The following TPRN variants were observed in gnomAD, a reference collection of about 807,000 sequenced individuals.
TPRN encodes the protein chromosome 9 open reading frame 75.
Under a neutral mutation model 42.6 loss-of-function variants are expected in TPRN, and 32 were observed. The observed-to-expected ratio is 0.75, with a 90% CI of 0.57 to 1.01. The LOEUF (loss-of-function observed/expected upper bound fraction) is 1.01. TPRN is among the 50% of genes least tolerant of loss of function. The pLI is 0.00. For missense variants in TPRN, 1,095 were observed against 957.5 expected, an observed-to-expected ratio of 1.14 and a Z score of -1.90; for synonymous variants, 541 against 445.6, an observed-to-expected ratio of 1.21 and a Z score of -2.70.
chr9:137,193,388 C>G (rs28627431), intron 1 of TPRN: 1 of 152,780 alleles, frequency 6.5e-6, no homozygotes, highest in African/African-American at 2.4e-5. Context: ...CCAGCAGTGA[C>G]CCCTTCCTCA....
rs1170564164 is a variant in TPRN at position 137,200,211 on chromosome 9, GGGCGGCGCGGGCGGCGGCGGC to G, written c.480_500del (p.Pro161_Pro167del). 1 of 949,486 alleles carries G rather than the reference GGGCGGCGCGGGCGGCGGCGGC, an allele frequency of 1.1e-6. No homozygotes were observed. The allele number at this position is 949,486 out of a possible 1,614,324, so 58.8% of individuals were successfully genotyped here. A position where few individuals can be genotyped will look rare whatever the true frequency, so the allele number is the denominator to read the frequency against. On this transcript the variant is annotated inframe_deletion, in exon 1 of 4. Coordinates refer to ENST00000409012, the MANE Select transcript of TPRN (RefSeq NM_001128228.3). The surrounding 1 kb of genome is among the most constrained non-coding windows in gnomAD (Gnocchi z 4.3). ...GGCTGGGGGCCGCGGGCGGGGGCCG[GGGCGGCGCGGGCGGCGGCGGC>G]GGCGGCGGGGGGCGGGCGCGCTCGG...
At chr9:137,198,747 G>A (rs897356958) in intron 1 of TPRN, among the ~76,000 whole-genome samples, 10 of 152,236 alleles carry the variant, frequency 6.6e-5, no homozygotes, top group Admixed American at 3.3e-4. Flanking sequence ...CTGCCCTGTC[G>A]CTCTCCAGCA....
chr9:137,199,568 C>G lies in TPRN; in HGVS notation c.1144G>C (p.Gly382Arg). 1 of 1,556,480 alleles carries G rather than the reference C, an allele frequency of 6.4e-7. No individual in the cohort carries two copies. Among genetic ancestry groups the G allele is most frequent in the Non-Finnish European group, 8.7e-7 (1 of 1,150,600 alleles). The change falls in exon 1 of 4, where the codon GGG becomes CGG. Residue 382 changes from glycine to arginine, a missense_variant. Gly to Arg is a moderately radical substitution (Grantham distance 125). Coordinates refer to ENST00000409012, the MANE Select transcript of TPRN (RefSeq NM_001128228.3). ...VPGGDGAPAL[G>R]KSPLEVEAQW... ...GCCTCGACCTCCAGGGGGCTCTTCC[C>G]GAGGGCAGGCGCACCATCCCCTCCA... is the stretch of plus-strand genomic sequence containing the variant.
chr9:137,193,788 GGAGCCGGGCCCCAGGCAGA>G (rs1005240140), intron 1 of TPRN: 64 of 152,672 alleles, frequency 4.2e-4, no homozygotes, highest in African/African-American at 1.5e-3. Flanking sequence ...CCCGGAGGCA[GGAGCCGGGCCCCAGGCAGA>G]GAACCACCGC....
chr9:137,192,338 G>A lies in TPRN; in HGVS notation c.1994C>T (p.Ser665Phe). 6.2e-7 allele frequency: 1 copy of A among 1,613,064 alleles called. No individual in the cohort carries two copies. The highest frequency in any genetic ancestry group is 8.5e-7 in the Non-Finnish European group (1 of 1,180,032). Residue 665 changes from serine to phenylalanine, a missense_variant, in exon 3 of 4, where the codon TCT (serine) becomes TTT (phenylalanine). Coordinates refer to ENST00000409012, the MANE Select transcript of TPRN (RefSeq NM_001128228.3). ...CTCCTGCCACTTGCTGAAGGCCACAGAGTGCTTCGGGGTGTAGCTGGACAG... is the reference window on the plus strand; with the variant it reads ...CTCCTGCCACTTGCTGAAGGCCACAAAGTGCTTCGGGGTGTAGCTGGACAG... ...SGLSSYTPKH[S>F]VAFSKWQEQA... is the part of the protein sequence containing the mutation.
chr9:137,192,714 C>T (rs763453113), intron 1 of TPRN, 23 bp from the exon 2 acceptor site: 42 of 1,612,324 alleles, frequency 2.6e-5, no homozygotes, highest in Admixed American at 6.7e-5. Flanking sequence ...GTCACGTGAA[C>T]GAGGGCTGAG....
chr9:137,192,209 C>T (rs1834630273), intron 3 of TPRN, 35 bp from the exon 4 acceptor site: 2 of 1,613,262 alleles, frequency 1.2e-6, no homozygotes, highest in Non-Finnish European at 8.5e-7. Flanking sequence ...GACACATGGG[C>T]TCGCCCGGGT....
rs779894755 is a variant in TPRN, at chr9:137,199,781, G to C, written c.931C>G (p.Pro311Ala). 1.9e-6 allele frequency: 3 copies of C among 1,609,514 alleles called. No homozygotes were observed. Among genetic ancestry groups the C allele is most frequent in the Non-Finnish European group, 2.5e-6 (3 of 1,178,600 alleles). The change falls in exon 1 of 4, where the codon CCC (proline) becomes GCC (alanine). Residue 311 changes from proline to alanine, a missense_variant. By Grantham distance (27) the Pro-to-Ala change is conservative. Transcript: ENST00000409012. ...GCCCGGGCCTGGAGGTCCCCCAAGG[G>C]GATGGTCTCCATAACTGGCTTGGGG... ...PAPKPVMETI[P>A]LGDLQARALA...
At position 137,199,238 on chromosome 9, in the gene TPRN, C is replaced by G; in HGVS notation, c.1474G>C (p.Glu492Gln). The G allele has an allele frequency of 6.2e-7, 1 of 1,612,998 alleles. No homozygotes were observed. The highest frequency in any genetic ancestry group is 8.5e-7 in the Non-Finnish European group (1 of 1,180,010). Residue 492 changes from glutamate (E) to glutamine (Q), a missense_variant, in exon 1 of 4, where the codon GAG becomes CAG. Transcript: ENST00000409012. ...GTGTTGCTGCCCCGGGGCTGAAGCT[C>G]TGCCACGCACCCGGGCCTGGCAGGG... Reference protein sequence around the residue: ...LHPARPGCVAELQPRGSNTFT... With the variant: ...LHPARPGCVAQLQPRGSNTFT...
intron 1 of TPRN, 78 bp from the exon 2 acceptor site, chr9:137,192,769 C>A: frequency 6.6e-7 from 1 of 1,517,678 alleles, no homozygotes; most frequent in South Asian, 1.1e-5. Context: ...GTTCAGCCCT[C>A]AGGATGAGGC....
At position 137,199,079 on chromosome 9, in the gene TPRN, G is replaced by A. The variant is rs139569284; in HGVS notation, c.1633C>T (p.Arg545Cys). The stretch of plus-strand genomic sequence containing the variant: ...TCGATCTCATGCACGGTGGGGTAGC[G>A]CTTCTTCAACGTGGGCCCCAGGAGG... The part of the protein sequence containing the change: ...SCLLGPTLKK[R>C]YPTVHEIEVI... Residue 545 changes from arginine to cysteine, a missense_variant, in exon 1 of 4, where the codon CGC becomes TGC. Coordinates refer to ENST00000409012, the MANE Select transcript of TPRN (RefSeq NM_001128228.3). 7.3e-5 allele frequency: 118 copies of A among 1,613,254 alleles called. 1 individual carries two copies. The African/African-American group carries it at 1.3e-3, about 18-fold the overall frequency.
At chr9:137,192,819 G>T (rs531853303) in intron 1 of TPRN, 128 bp from the exon 2 acceptor site, 1 of 1,002,152 alleles carries the variant, frequency 1.0e-6, no homozygotes. Context: ...CAACCGTTCC[G>T]GGGGCTCCAG....
intron 1 of TPRN, among the ~76,000 whole-genome samples, chr9:137,195,645 C>T (rs748952950): frequency 6.6e-6 from 1 of 152,136 alleles, no homozygotes; most frequent in Non-Finnish European, 1.5e-5. Flanking sequence ...TGAGGGCGGA[C>T]GGCCCTGGGT....
chr9:137,197,531 T>C (rs1023561309), intron 1 of TPRN, among the ~76,000 whole-genome samples: 5 of 152,228 alleles, frequency 3.3e-5, no homozygotes, highest in Middle Eastern at 3.4e-3. Flanking sequence ...AAACCTGAAC[T>C]CCGTACTCGC....
chr9:137,192,032 G>T lies in TPRN; in HGVS notation c.*80C>A. 1.3e-6 allele frequency: 2 copies of T among 1,534,730 alleles called. No homozygotes were observed. Among genetic ancestry groups the T allele is most frequent in the Non-Finnish European group, 1.8e-6 (2 of 1,123,352 alleles). On this transcript the variant is annotated 3_prime_UTR_variant, in exon 4 of 4. Coordinates refer to ENST00000409012, the MANE Select transcript of TPRN (RefSeq NM_001128228.3). ...CAGTGAGGCCAAACAAGGCAGAAGC[G>T]GGTGCAGTAGTCCCTGGCTACTGCC...
Position 137,199,979 on chromosome 9 carries a change from A to C in TPRN, c.733T>G (p.Ser245Ala). Residue 245 changes from serine (S) to alanine (A), a missense_variant, in exon 1 of 4, where the codon TCG (serine) becomes GCG (alanine). Coordinates refer to ENST00000409012, the MANE Select transcript of TPRN (RefSeq NM_001128228.3). The stretch of plus-strand genomic sequence containing the variant: ...TCCACCTTTGGCTTCCACTGTCCCG[A>C]CCCAGGCGGGGAGCCCGCGAGGCGG... ...ANRLAGSPPG[S>A]GQWKPKVESG... is the part of the protein sequence containing the mutation. The C allele has an allele frequency of 6.9e-7, 1 of 1,449,120 alleles. No homozygotes were observed. Among genetic ancestry groups the C allele is most frequent in the Non-Finnish European group, 9.1e-7 (1 of 1,104,206 alleles). The allele number at this position is 1,449,120 out of a possible 1,614,324, so 89.8% of individuals were successfully genotyped here.
rs373771135 is a variant in TPRN, at chr9:137,192,503, C to G, written c.1914G>C (p.Thr638=). 7.5e-6 allele frequency: 12 copies of G among 1,605,980 alleles called. No individual in the cohort carries two copies. Among genetic ancestry groups the G allele is most frequent in the East Asian group, 2.2e-5 (1 of 44,462 alleles). ...TCTCGGGTCTCACGCTGCTCACAAA[C>G]GTGGCCCGGGGCAGGAAGAGTGCAA... The part of the protein sequence containing the change: ...KPFALFLPRA[T]FVSSVRPESS... Residue 638 remains threonine (T), a synonymous_variant, in exon 2 of 4, where the codon ACG becomes ACC. Coordinates refer to ENST00000409012, the MANE Select transcript of TPRN (RefSeq NM_001128228.3).
rs146437238 is a variant in TPRN, at chr9:137,199,453, G to C, written c.1259C>G (p.Pro420Arg). 3 of 1,607,060 alleles carry C rather than the reference G, an allele frequency of 1.9e-6. No homozygotes were observed. The highest frequency in any genetic ancestry group is 2.7e-5 in the African/African-American group (2 of 74,946). Residue 420 changes from proline (P) to arginine (R), a missense_variant, in exon 1 of 4, where the codon CCC becomes CGC. Transcript: ENST00000409012. ...AIRWQRPSSP[P>R]PFLPAASEEA... ...TTCCGAAGCAGCCGGCAGGAAGGGG[G>C]GCGGTGAGGACGGCCTCTGCCACCT...
chr9:137,199,496 G>A lies in TPRN; in HGVS notation c.1216C>T (p.Leu406Phe), dbSNP rs1342024475. The A allele has an allele frequency of 6.3e-7, 1 of 1,585,248 alleles. No individual in the cohort carries two copies. The highest frequency in any genetic ancestry group is 1.1e-5 in the South Asian group (1 of 88,060). ...TGCCACCTAATAGCCCGGTCAGCGA[G>A]GGCGGTGGCTGTCCTGGGACAGGCC... ...EGACPRTATA[L>F]ADRAIRWQRP... Residue 406 changes from leucine to phenylalanine, a missense_variant, in exon 1 of 4, where the codon CTC (leucine) becomes TTC (phenylalanine). Physicochemically the swap from Leu to Phe is conservative, Grantham distance 22. Coordinates refer to ENST00000409012, the MANE Select transcript of TPRN (RefSeq NM_001128228.3).
Sources: allele counts gnomAD v4.1 joint callset (sites outside exome capture counted in the v4.1 genomes callset), GRCh38; gene constraint gnomAD v4.1.1; non-coding constraint Gnocchi (gnomAD v3.1); transcripts MANE v1.5; gene names NCBI Gene and HGNC (gene_info 2026-07-23, HGNC 2026-07-21).